Variants in RYR1 observed in about 807,000 individuals in gnomAD.
RYR1 encodes ryanodine receptor 1.
In RYR1, 342 loss-of-function variants were observed where a neutral mutation model predicts 583.5. The ratio of observed to expected loss-of-function variants is 0.59; its 90% CI spans 0.54 to 0.64. The LOEUF is 0.64. Among genes scored for constraint, RYR1 ranks in the 30% least tolerant of loss-of-function variants. The probability of loss-of-function intolerance (pLI) is 0.00; values close to 1 mark genes in which losing one functional copy is unlikely to be tolerated. For synonymous variants in RYR1, 2,791 were observed against 2,822.5 expected (o/e 0.99, Z 0.35); for missense variants, 6,032 against 6,917.2 (o/e 0.87, Z 4.54).
chr19:38,529,479 CAAAAA>C (rs762484228), intron 76 of RYR1, among the ~76,000 whole-genome samples: 29 of 151,708 alleles, frequency 1.9e-4, no homozygotes, highest in Non-Finnish European at 3.5e-4. Flanking sequence ...GACTCTGTCT[CAAAAA>C]GAAAAGAAAA....
At chr19:38,514,591 A>G (rs1423337708) in intron 63 of RYR1, among the ~76,000 whole-genome samples, 1 of 152,048 alleles carries the variant, frequency 6.6e-6, no homozygotes, top group Non-Finnish European at 1.5e-5. Flanking sequence ...AAAAATATAT[A>G]CATTTTAAAT....
In RYR1 at chr19:38,479,140, C is replaced by T. The variant is rs1388208376; in HGVS notation, c.4620+540C>T. Among the ~76,000 whole-genome samples, 3 of 152,220 alleles carry T rather than the reference C, an allele frequency of 2.0e-5. No individual in the cohort carries two copies. In the South Asian group the frequency reaches 6.2e-4, roughly 32 times the overall value. ...TGGGTGACACCAGTCACCAACTTCT[C>T]TCCAACCAGGGAACACGCTAGGATG... On this transcript the variant is annotated intron_variant, in intron 31 of 105. Coordinates refer to ENST00000359596, the MANE Select transcript of RYR1 (RefSeq NM_000540.3).
chr19:38,537,941 C>T lies in RYR1; in HGVS notation c.11670C>T (p.Leu3890=), dbSNP rs144452106. The stretch of plus-strand genomic sequence containing the variant: ...ACCTGTTCCGATTCCTACAATTGCT[C>T]TGTGAGGGGCACAATAATGGTGAGG... ...TQDLFRFLQL[L]CEGHNNDFQN... Residue 3890 remains leucine (L), a synonymous_variant, in exon 84 of 106, where the codon CTC becomes CTT. Coordinates refer to ENST00000359596, the MANE Select transcript of RYR1 (RefSeq NM_000540.3). 7.6e-6 allele frequency: 12 copies of T among 1,573,068 alleles called. No individual in the cohort carries two copies. The highest frequency in any genetic ancestry group is 9.5e-6 in the Non-Finnish European group (11 of 1,155,990).
Position 38,580,002 on chromosome 19 carries a change from G to T in RYR1, c.14385G>T (p.Trp4795Cys), listed in dbSNP as rs565173276. 1 of 1,614,124 alleles carries T rather than the reference G, an allele frequency of 6.2e-7. No homozygotes were observed. The highest frequency in any genetic ancestry group is 8.5e-7 in the Non-Finnish European group (1 of 1,180,020). The change falls in exon 100 of 106, where the codon TGG becomes TGT. Residue 4795 changes from tryptophan to cysteine, a missense_variant. Transcript: ENST00000359596. ...FTDNSFLYLG[W>C]YMVMSLLGHY... is the part of the protein sequence containing the mutation. ...CACAGTCCTTCCTGTACCTGGGCTG[G>T]TATATGGTGATGTCCCTCTTGGGAC...
Position 38,443,732 on chromosome 19 carries a change from C to G in RYR1, c.360C>G (p.Leu120=), listed in dbSNP as rs753899346. The change falls in exon 5 of 106, where the codon CTC becomes CTG. Residue 120 remains leucine (L), a synonymous_variant. Coordinates refer to ENST00000359596, the MANE Select transcript of RYR1 (RefSeq NM_000540.3). ...TACAACCCTAGTATCTGAGCTGCCT[C>G]ACCACCTCCCGCTCCATGACTGACA... The part of the protein sequence containing the change: ...HAHSRMYLSC[L]TTSRSMTDKL... 6.2e-7 allele frequency: 1 copy of G among 1,614,148 alleles called. No homozygotes were observed. Among genetic ancestry groups the G allele is most frequent in the Admixed American group, 1.7e-5 (1 of 60,018 alleles).
intron 75 of RYR1, 23 bp from the exon 76 acceptor site, chr19:38,528,928 C>A (rs369734766): frequency 1.2e-6 from 2 of 1,601,660 alleles, no homozygotes; most frequent in East Asian, 2.2e-5. Context: ...AACCCTCTCC[C>A]CAAGTCTCCC....
At position 38,496,475 on chromosome 19, in the gene RYR1, C is replaced by T. The variant is rs772753793; in HGVS notation, c.6730C>T (p.Arg2244Trp). Residue 2244 changes from arginine (R) to tryptophan (W), a missense_variant, in exon 41 of 106, where the codon CGG becomes TGG. Arg to Trp is a moderately radical substitution (Grantham distance 101). This residue lies in a region of RYR1 where 2,627 missense variants were observed against 2,961.3 expected (regional missense o/e 0.89). Coordinates refer to ENST00000359596, the MANE Select transcript of RYR1 (RefSeq NM_000540.3). This position sits in a 1 kb window ranked among gnomAD's most constrained non-coding sequence, Gnocchi z 4.8. ...RFLCYFCRIS[R>W]QNQRSMFDHL... ...CCTCTGCTATTTCTGCCGAATCAGC[C>T]GGCAGAACCAGCGCTCCATGTTTGA... is the stretch of plus-strand genomic sequence containing the variant. 82 of 1,613,606 alleles carry T rather than the reference C, an allele frequency of 5.1e-5. No homozygotes were observed. The highest frequency in any genetic ancestry group is 6.7e-5 in the African/African-American group (5 of 74,928).
At chr19:38,469,167 C>A (rs2145462397) in intron 26 of RYR1, 27 bp downstream of exon 26, 1 of 1,613,868 alleles carries the variant, frequency 6.2e-7, no homozygotes, top group South Asian at 1.1e-5. Context: ...CTTCACATGC[C>A]CTTTCTTGTT....
intron 81 of RYR1, chr19:38,535,715 T>G: frequency 1.7e-6 from 1 of 591,106 alleles, no homozygotes; most frequent in South Asian, 2.0e-5. Context: ...TTGTCTGCCT[T>G]TATTCACCTC....
chr19:38,462,015 A>G (rs1967778980), intron 20 of RYR1, among the ~76,000 whole-genome samples: 1 of 152,156 alleles, frequency 6.6e-6, no homozygotes, highest in Non-Finnish European at 1.5e-5. Context: ...AGATCGCACC[A>G]CTGCACTCCA....
chr19:38,585,507 T>C (rs991512803), intron 102 of RYR1, among the ~76,000 whole-genome samples: 1 of 150,794 alleles, frequency 6.6e-6, no homozygotes, highest in African/African-American at 2.4e-5. Flanking sequence ...GGAGTCTCGC[T>C]CTGTTGCCCG....
chr19:38,483,437 G>A lies in RYR1; in HGVS notation c.4855G>A (p.Ala1619Thr). 6.3e-7 allele frequency: 1 copy of A among 1,575,388 alleles called. No individual in the cohort carries two copies. Among genetic ancestry groups the A allele is most frequent in the Non-Finnish European group, 8.6e-7 (1 of 1,162,962 alleles). ...NHFLQVETRR[A>T]GERLGWAVQC... ...CTTCCTGCAGGTGGAGACGAGGCGT[G>A]CCGGCGAGCGGCTGGGCTGGGCCGT... The change falls in exon 33 of 106, where the codon GCC (alanine) becomes ACC (threonine). Residue 1619 changes from alanine (A) to threonine (T), a missense_variant. Physicochemically the swap from Ala to Thr is moderately conservative, Grantham distance 58 (BLOSUM62 0). This residue lies in a region of RYR1 where 2,627 missense variants were observed against 2,961.3 expected (regional missense o/e 0.89). Transcript: ENST00000359596. The surrounding 1 kb of genome is among the most constrained non-coding windows in gnomAD (Gnocchi z 6.3).
At position 38,499,514 on chromosome 19, in the gene RYR1, G is replaced by T. The variant is rs944712668; in HGVS notation, c.7028-121G>T. On this transcript the variant is annotated intron_variant, in intron 43 of 105. Coordinates refer to ENST00000359596, the MANE Select transcript of RYR1 (RefSeq NM_000540.3). This position sits in a 1 kb window ranked among gnomAD's most constrained non-coding sequence, Gnocchi z 7.3. ...CAGGGGCCTGGTGTTACCTCTGGAG[G>T]TGTTGGGTCCTGGAGCTGGATGGGA... The T allele has an allele frequency of 8.5e-7, 1 of 1,182,924 alleles. No individual in the cohort carries two copies. Among genetic ancestry groups the T allele is most frequent in the Non-Finnish European group, 1.2e-6 (1 of 828,826 alleles). The allele number at this position is 1,182,924 out of a possible 1,614,324, so 73.3% of individuals were successfully genotyped here.
In RYR1 at chr19:38,464,746, G is replaced by A. The variant is rs751197499; in HGVS notation, c.2870+24G>A. 5.5e-5 allele frequency: 86 copies of A among 1,554,268 alleles called. 1 individual carries two copies. Among genetic ancestry groups the A allele is most frequent in the East Asian group, 7.1e-5 (3 of 42,016 alleles). On this transcript the variant is annotated intron_variant, in intron 23 of 105. Coordinates refer to ENST00000359596, the MANE Select transcript of RYR1 (RefSeq NM_000540.3). ...ACGTGAGTGTGGGCAGCCAGGTCCC[G>A]TCTGGGGATGGACTGGGGGCTGGGG...
At position 38,507,238 on chromosome 19, in the gene RYR1, A is replaced by C. The variant is rs372141700; in HGVS notation, c.8816+286A>C. ...GAGGCGGGGCCAGAGAGTGGAGGAGACTGAGAGGGGCGGGGACCGGTGATT... is the reference window on the plus strand; with the variant it reads ...GAGGCGGGGCCAGAGAGTGGAGGAGCCTGAGAGGGGCGGGGACCGGTGATT... On this transcript the variant is annotated intron_variant, in intron 57 of 105. Coordinates refer to ENST00000359596, the MANE Select transcript of RYR1 (RefSeq NM_000540.3). 4.7e-4 allele frequency among the ~76,000 whole-genome samples: 67 copies of C among 144,072 alleles called. 1 individual carries two copies. In the East Asian group the frequency reaches 8.6e-3, roughly 18 times the overall value. The allele number at this position is 144,072 out of a possible 152,430, so 94.5% of individuals were successfully genotyped here.
chr19:38,496,038 C>T lies in RYR1; in HGVS notation c.6549-177C>T, dbSNP rs1053650736. 6.6e-6 allele frequency among the ~76,000 whole-genome samples: 1 copy of T among 152,180 alleles called. No homozygotes were observed. The highest frequency in any genetic ancestry group is 2.4e-5 in the African/African-American group (1 of 41,444). Reference sequence around the variant, plus strand: ...TCGGCCTCCCAAAGTGCTGGGATTACACGCATGAGCCACCGCACCCGGCCA... The same window carrying T: ...TCGGCCTCCCAAAGTGCTGGGATTATACGCATGAGCCACCGCACCCGGCCA... On this transcript the variant is annotated intron_variant, in intron 39 of 105. Coordinates refer to ENST00000359596, the MANE Select transcript of RYR1 (RefSeq NM_000540.3). The surrounding 1 kb of genome is among the most constrained non-coding windows in gnomAD (Gnocchi z 4.8).
Position 38,526,837 on chromosome 19 carries a change from G to A in RYR1, c.10627-156G>A, listed in dbSNP as rs560674539. On this transcript the variant is annotated intron_variant, in intron 71 of 105. Coordinates refer to ENST00000359596, the MANE Select transcript of RYR1 (RefSeq NM_000540.3). Reference sequence around the variant, plus strand: ...CCCCTCTAGGACCCCTTCTGACCCCGTCAACCTCTGCATCCTTTTGTTTCT... The same window carrying A: ...CCCCTCTAGGACCCCTTCTGACCCCATCAACCTCTGCATCCTTTTGTTTCT... 2.2e-5 allele frequency: 16 copies of A among 720,358 alleles called. 1 individual carries two copies. Among genetic ancestry groups the A allele is most frequent in the South Asian group, 7.8e-5 (5 of 63,852 alleles). The allele number at this position is 720,358 out of a possible 1,614,324, so 44.6% of individuals were successfully genotyped here.
chr19:38,569,335 A>G (rs904764107), intron 93 of RYR1, among the ~76,000 whole-genome samples: 8 of 152,014 alleles, frequency 5.3e-5, no homozygotes, highest in African/African-American at 1.9e-4. Flanking sequence ...TTTTTTTTTA[A>G]TTACTGCTCC....
intron 1 of RYR1, among the ~76,000 whole-genome samples, chr19:38,436,763 T>C (rs1457932835): frequency 6.6e-6 from 1 of 152,132 alleles, no homozygotes; most frequent in African/African-American, 2.4e-5. Flanking sequence ...TGAAGCATGA[T>C]GGGCACGCTG....
Sources: gnomAD v4.1 joint callset for allele counts (sites outside exome capture counted in the v4.1 genomes callset) on GRCh38, gnomAD v4.1.1 for gene constraint, gnomAD v4.1.1 regional missense constraint, Gnocchi (gnomAD v3.1) non-coding constraint, MANE v1.5 for transcripts, NCBI Gene and HGNC (gene_info 2026-07-23, HGNC 2026-07-21) for gene names.